EPHX2: variants seen among roughly 807,000 people sequenced by gnomAD.
EPHX2 encodes epoxide hydrolase 2.
In EPHX2, 74 loss-of-function variants were observed where a neutral mutation model predicts 78.7. The observed-to-expected ratio is 0.94, with a 90% confidence interval of 0.78 to 1.14. EPHX2 has a LOEUF of 1.14. EPHX2 is among the 50% of genes most tolerant of loss of function. EPHX2 has a pLI of 0.00. For synonymous variants in EPHX2, 251 were observed against 255.2 expected, an observed-to-expected ratio of 0.98 and a Z score of 0.16; for missense variants, 715 against 702.5, an observed-to-expected ratio of 1.02 and a Z score of -0.20.
At chr8:27,509,350 A>G (rs193071652) in intron 5 of EPHX2, among the ~76,000 whole-genome samples, 29 of 152,280 alleles carry the variant, frequency 1.9e-4, no homozygotes, top group Admixed American at 1.7e-3. Context: ...GTGTGCATGT[A>G]TCTCTTTGAG....
Sources: gnomAD v4.1 joint callset for allele counts (sites outside exome capture counted in the v4.1 genomes callset) on GRCh38, gnomAD v4.1.1 for gene constraint, MANE v1.5 for transcripts, NCBI Gene and HGNC (gene_info 2026-07-23, HGNC 2026-07-21) for gene names.